The following ARHGAP26 variants were observed in gnomAD, a reference collection of about 807,000 sequenced individuals.
The protein encoded by ARHGAP26 is rho GTPase-activating protein 26.
A neutral mutation model predicts 104.8 loss-of-function variants in ARHGAP26; 38 were observed. That is an observed-to-expected ratio of 0.36 (90% CI 0.28 to 0.48). The LOEUF (loss-of-function observed/expected upper bound fraction) is 0.48, where lower values mean the gene tolerates loss of function less well. ARHGAP26 is among the 20% of genes least tolerant of loss of function. ARHGAP26 has a pLI of 0.99. For synonymous variants in ARHGAP26, 341 were observed against 340.0 expected (o/e 1.00, Z -0.03); for missense variants, 704 against 947.9 (o/e 0.74, Z 3.38).
At chr5:143,032,712 G>C (rs1033828765) in intron 12 of ARHGAP26, among the ~76,000 whole-genome samples, 2 of 152,208 alleles carry the variant, frequency 1.3e-5, no homozygotes, top group African/African-American at 4.8e-5. Flanking sequence ...GTGCACTGTA[G>C]TCCCTATCAC....
rs1442391166 is a variant in ARHGAP26 at position 143,222,838 on chromosome 5, G to C, written c.*392G>C. ...CTGTGTAGCTAAGCCTGCTGGGGCT[G>C]GGTGAAGAAATTGGCGCTGAGATCC... On this transcript the variant is annotated 3_prime_UTR_variant, in exon 23 of 23. Transcript: ENST00000645722. The C allele has an allele frequency of 4.3e-6, 1 of 235,106 alleles. No homozygotes were observed. The highest frequency in any genetic ancestry group is 8.4e-6 in the Non-Finnish European group (1 of 119,432). The allele number at this position is 235,106 out of a possible 1,614,324, so 14.6% of individuals were successfully genotyped here. A position where few individuals can be genotyped will look rare whatever the true frequency, so the allele number is the denominator to read the frequency against.
At chr5:143,176,842 T>C (rs1157729058) in intron 20 of ARHGAP26, among the ~76,000 whole-genome samples, 1 of 152,174 alleles carries the variant, frequency 6.6e-6, no homozygotes, top group Admixed American at 6.6e-5. Context: ...GTTATGCAAT[T>C]TTCAGCTCAT....
chr5:142,975,998 G>GCAGTA (rs1773025422), intron 11 of ARHGAP26, among the ~76,000 whole-genome samples: 1 of 152,186 alleles, frequency 6.6e-6, no homozygotes, highest in South Asian at 2.1e-4. Flanking sequence ...TTAGTGACAG[G>GCAGTA]CAGTACAGTA....
intron 17 of ARHGAP26, among the ~76,000 whole-genome samples, chr5:143,097,210 G>A (rs1177191798): frequency 1.3e-5 from 2 of 151,870 alleles, no homozygotes; most frequent in East Asian, 1.9e-4. Flanking sequence ...ATGGTGGTGC[G>A]TGCCTGTAAT....
At chr5:143,094,441 A>G (rs1205431044) in intron 17 of ARHGAP26, among the ~76,000 whole-genome samples, 1 of 152,080 alleles carries the variant, frequency 6.6e-6, no homozygotes, top group Non-Finnish European at 1.5e-5. Context: ...GGTGGGGTGC[A>G]CCTCCTCACG....
At chr5:142,947,042 C>G (rs1209211352) in intron 11 of ARHGAP26, 3 of 146,818 alleles carry the variant, frequency 2.0e-5, no homozygotes, top group Non-Finnish European at 3.0e-5. Context: ...TGGTCTTGAC[C>G]CAATGCCCAG....
intron 1 of ARHGAP26, 112 bp downstream of exon 1, chr5:142,771,027 G>A: frequency 6.9e-7 from 1 of 1,447,338 alleles, no homozygotes; most frequent in Non-Finnish European, 9.2e-7. Flanking sequence ...CGGTACACTG[G>A]GGGACGGGTG....
intron 11 of ARHGAP26, among the ~76,000 whole-genome samples, chr5:142,996,749 A>G (rs930782809): frequency 1.3e-5 from 2 of 152,182 alleles, no homozygotes; most frequent in African/African-American, 2.4e-5. Context: ...GGTCTGCTCC[A>G]AAGAAAACTG....
At chr5:143,022,910 C>T (rs1434392745) in intron 12 of ARHGAP26, among the ~76,000 whole-genome samples, 4 of 152,182 alleles carry the variant, frequency 2.6e-5, no homozygotes, top group African/African-American at 9.7e-5. Context: ...CCCATGGGGG[C>T]TGGAAGGAAT....
At chr5:143,099,688 A>G (rs1344965066) in intron 17 of ARHGAP26, among the ~76,000 whole-genome samples, 1 of 152,170 alleles carries the variant, frequency 6.6e-6, no homozygotes, top group Non-Finnish European at 1.5e-5. Flanking sequence ...CTCTGCTGAT[A>G]AGTCCAAAAT....
At chr5:143,071,494 C>T (rs1788242948) in intron 17 of ARHGAP26, among the ~76,000 whole-genome samples, 2 of 152,186 alleles carry the variant, frequency 1.3e-5, no homozygotes, top group African/African-American at 4.8e-5. Context: ...GATCAAAGTC[C>T]TCAATGTAGG....
intron 11 of ARHGAP26, among the ~76,000 whole-genome samples, chr5:142,995,629 A>T (rs1776266410): frequency 1.3e-5 from 2 of 152,240 alleles, no homozygotes; most frequent in Non-Finnish European, 2.9e-5. Flanking sequence ...CTAGAACCAG[A>T]AATACCATTT....
At chr5:142,900,669 G>T (rs911881354) in intron 6 of ARHGAP26, among the ~76,000 whole-genome samples, 1 of 152,116 alleles carries the variant, frequency 6.6e-6, no homozygotes, top group Admixed American at 6.6e-5. Context: ...CTCAGAAAAG[G>T]AGAGTTAGTT....
At chr5:142,964,635 T>C (rs1254981178) in intron 11 of ARHGAP26, among the ~76,000 whole-genome samples, 1 of 151,926 alleles carries the variant, frequency 6.6e-6, no homozygotes, top group East Asian at 1.9e-4. Context: ...GACATGCCAA[T>C]ATCAAGTAGA....
intron 17 of ARHGAP26, among the ~76,000 whole-genome samples, chr5:143,094,297 G>T (rs113203689): frequency 1.3e-5 from 2 of 152,212 alleles, no homozygotes; most frequent in Non-Finnish European, 2.9e-5. Context: ...GCACAGAGTC[G>T]TTGCCACAGT....
At chr5:143,067,144 C>T (rs980380842) in intron 17 of ARHGAP26, among the ~76,000 whole-genome samples, 11 of 152,056 alleles carry the variant, frequency 7.2e-5, no homozygotes, top group South Asian at 4.2e-4. Flanking sequence ...GGGGATGGCG[C>T]GTTATATCAT....
intron 7 of ARHGAP26, among the ~76,000 whole-genome samples, chr5:142,902,968 T>G (rs1369528915): frequency 6.6e-6 from 1 of 152,166 alleles, no homozygotes; most frequent in Non-Finnish European, 1.5e-5. Flanking sequence ...GAGGTCTCAG[T>G]GCAGGGGAGG....
chr5:143,206,758 C>T (rs1398266948), intron 20 of ARHGAP26, among the ~76,000 whole-genome samples: 1 of 151,982 alleles, frequency 6.6e-6, no homozygotes, highest in Non-Finnish European at 1.5e-5. Context: ...CCTTTGTGGC[C>T]CAGAAGAAAA....
At chr5:142,811,433 G>A (rs927094147) in intron 1 of ARHGAP26, among the ~76,000 whole-genome samples, 11 of 152,156 alleles carry the variant, frequency 7.2e-5, no homozygotes, top group African/African-American at 2.4e-4. Flanking sequence ...CTGAGAGTGT[G>A]GGCTCTGGAC....
Sources: gnomAD v4.1 joint callset for allele counts (sites outside exome capture counted in the v4.1 genomes callset) on GRCh38, gnomAD v4.1.1 for gene constraint, MANE v1.5 for transcripts, NCBI Gene and HGNC (gene_info 2026-07-23, HGNC 2026-07-21) for gene names.